Variants in TMC5 observed in about 807,000 individuals in gnomAD.
TMC5 encodes transmembrane channel like 5, also known as transmembrane channel-like protein 5.
In TMC5, 86 loss-of-function variants were observed where a neutral mutation model predicts 110.5. The ratio of observed to expected loss-of-function variants is 0.78; its 90% CI spans 0.65 to 0.93. The LOEUF is 0.93. TMC5 is among the 40% of genes least tolerant of loss of function. TMC5 has a pLI of 0.00. For synonymous variants in TMC5, 455 were observed against 439.5 expected, an observed-to-expected ratio of 1.04 and a Z score of -0.44; for missense variants, 1,144 against 1,222.8, an observed-to-expected ratio of 0.94 and a Z score of 0.96.
chr16:19,474,814 C>T (rs1036028828), intron 12 of TMC5: 8 of 153,108 alleles, frequency 5.2e-5, no homozygotes, highest in African/African-American at 1.2e-4. Flanking sequence ...GCAGTGCACG[C>T]ACAAAGGCTC....
chr16:19,485,327 G>A (rs1409847766), intron 15 of TMC5, among the ~76,000 whole-genome samples: 3 of 152,002 alleles, frequency 2.0e-5, no homozygotes, highest in Non-Finnish European at 2.9e-5. Flanking sequence ...CTTGCCCAAC[G>A]GCATCCTAGT....
intron 18 of TMC5, among the ~76,000 whole-genome samples, chr16:19,491,862 A>C (rs1968916439): frequency 1.3e-5 from 2 of 151,446 alleles, no homozygotes; most frequent in African/African-American, 4.9e-5. Flanking sequence ...TTTTTAACTT[A>C]TTCTATTAAG....
rs868503835 is a variant in TMC5 at position 19,495,103 on chromosome 16, C to T, written c.2931+737C>T. ...GATCTCGGCGCACTGCAAGCTCCGCCTCCCGGGTTCACGCCATTCTCCTGC... is the reference window on the plus strand; with the variant it reads ...GATCTCGGCGCACTGCAAGCTCCGCTTCCCGGGTTCACGCCATTCTCCTGC... On this transcript the variant is annotated intron_variant, in intron 20 of 21. Transcript: ENST00000542583. Among the ~76,000 whole-genome samples, 117 of 28,338 alleles carry T rather than the reference C, an allele frequency of 4.1e-3. 20 individuals are homozygous for T. Among genetic ancestry groups the T allele is most frequent in the African/African-American group, 6.8e-3 (92 of 13,570 alleles). 18.6% of individuals were successfully genotyped at this position (28,338 alleles called of 152,430 possible). A position where few individuals can be genotyped will look rare whatever the true frequency, so the allele number is the denominator to read the frequency against.
In TMC5 at chr16:19,463,349, T is replaced by G; in HGVS notation, c.1218T>G (p.Cys406Trp). The G allele has an allele frequency of 6.2e-7, 1 of 1,613,762 alleles. No individual in the cohort carries two copies. Among genetic ancestry groups the G allele is most frequent in the Non-Finnish European group, 8.5e-7 (1 of 1,179,682 alleles). ...RILQLNCCIQCLNSISRAYRR... is the reference protein window; with the variant it reads ...RILQLNCCIQWLNSISRAYRR... Reference sequence around the variant, plus strand: ...TTCAGCTCAATTGCTGTATTCAGTGTCTGAACTCCATTTCCCGGGTAAGTC... The same window carrying G: ...TTCAGCTCAATTGCTGTATTCAGTGGCTGAACTCCATTTCCCGGGTAAGTC... Residue 406 changes from cysteine to tryptophan, a missense_variant, in exon 7 of 22, where the codon TGT becomes TGG. Coordinates refer to ENST00000542583, the MANE Select transcript of TMC5 (RefSeq NM_001261841.2).
At position 19,440,675 on chromosome 16, in the gene TMC5, C is replaced by A; in HGVS notation, c.637C>A (p.Gln213Lys). The A allele has an allele frequency of 6.2e-7, 1 of 1,614,226 alleles. No homozygotes were observed. Among genetic ancestry groups the A allele is most frequent in the Non-Finnish European group, 8.5e-7 (1 of 1,180,034 alleles). The change falls in exon 3 of 22, where the codon CAA becomes AAA. Residue 213 changes from glutamine (Q) to lysine (K), a missense_variant. Gln to Lys is a moderately conservative substitution (Grantham distance 53). Coordinates refer to ENST00000542583, the MANE Select transcript of TMC5 (RefSeq NM_001261841.2). ...GCCTGATTATCCAGGCGCTGACATT[C>A]AACCTAACTCTCCACCCTTTTTTGG... ...GKPDYPGADI[Q>K]PNSPPFFGEP...
chr16:19,451,896 T>A (rs931966017), intron 5 of TMC5, among the ~76,000 whole-genome samples: 5 of 152,172 alleles, frequency 3.3e-5, no homozygotes, highest in African/African-American at 1.2e-4. Context: ...CCTCCCAGGT[T>A]CAAGCGATTC....
At position 19,456,760 on chromosome 16, in the gene TMC5, C is replaced by T. The variant is rs1370263267; in HGVS notation, c.1049-3475C>T. 12 of 1,613,918 alleles carry T rather than the reference C, an allele frequency of 7.4e-6. No homozygotes were observed. In the East Asian group the frequency reaches 2.0e-4, roughly 27 times the overall value. ...TCATCATACAGGTTGAGAATGTTTC[C>T]TCTGGGGTCCAAAGCCACCCATCCT... On this transcript the variant is annotated intron_variant, in intron 5 of 21. Coordinates refer to ENST00000542583, the MANE Select transcript of TMC5 (RefSeq NM_001261841.2).
intron 5 of TMC5, among the ~76,000 whole-genome samples, chr16:19,459,645 C>T (rs917257321): frequency 9.9e-5 from 15 of 151,804 alleles, no homozygotes; most frequent in Non-Finnish European, 1.8e-4. Context: ...AGCTGGTTGT[C>T]GTGGTGTGTG....
intron 6 of TMC5, among the ~76,000 whole-genome samples, chr16:19,461,350 C>A (rs1044529155): frequency 6.6e-6 from 1 of 152,066 alleles, no homozygotes; most frequent in Non-Finnish European, 1.5e-5. Flanking sequence ...CTTAGGCGGG[C>A]AGATCATGAG....
intron 11 of TMC5, among the ~76,000 whole-genome samples, chr16:19,472,631 G>A (rs12934588): frequency 0.12 from 17,682 of 152,152 alleles, 1,362 homozygotes; most frequent in East Asian, 0.37. Flanking sequence ...CACAGCCCTG[G>A]GGCCAGGCCT....
rs970910367 is a variant in TMC5 at position 19,465,350 on chromosome 16, A to G, written c.1486-732A>G. Among the ~76,000 whole-genome samples, 9 of 152,206 alleles carry G rather than the reference A, an allele frequency of 5.9e-5. No homozygotes were observed. In the South Asian group the frequency reaches 1.0e-3, roughly 18 times the overall value. On this transcript the variant is annotated intron_variant, in intron 8 of 21. Transcript: ENST00000542583. The stretch of plus-strand genomic sequence containing the variant: ...GAAGTTGGAGACCAGCCTGGCCAAC[A>G]TGGCAAAACCCCATCTCTACTTAAA...
At chr16:19,481,260 A>G in intron 14 of TMC5, 110 bp from the exon 15 acceptor site, 2 of 796,008 alleles carry the variant, frequency 2.5e-6, no homozygotes, top group South Asian at 3.0e-5. Flanking sequence ...GGAACTTACG[A>G]CTTTATTTCA....
At chr16:19,459,550 A>G (rs12930873) in intron 5 of TMC5, among the ~76,000 whole-genome samples, 96,580 of 151,718 alleles carry the variant, frequency 0.64, 32,104 homozygotes, top group Middle Eastern at 0.75. Context: ...GGCTGAGGTG[A>G]GAAATCTCTT....
intron 6 of TMC5, chr16:19,462,572 A>T (rs1186695334): frequency 1.4e-6 from 1 of 701,224 alleles, no homozygotes; most frequent in East Asian, 2.7e-5. Context: ...GGTGGTAGGC[A>T]AGACGGCATG....
At chr16:19,490,914 TC>T (rs1231378051) in intron 18 of TMC5, among the ~76,000 whole-genome samples, 14 of 117,168 alleles carry the variant, frequency 1.2e-4, no homozygotes, top group African/African-American at 4.2e-4. Flanking sequence ...TCCCTTCCCT[TC>T]CCCTTCTTTC....
chr16:19,480,720 G>A (rs977556974), intron 14 of TMC5, among the ~76,000 whole-genome samples: 4 of 149,578 alleles, frequency 2.7e-5, no homozygotes, highest in African/African-American at 4.9e-5. Context: ...CAGGAGAATC[G>A]CTTGAACCCG....
intron 5 of TMC5, 69 bp downstream of exon 5, chr16:19,449,700 G>T: frequency 7.1e-7 from 1 of 1,414,012 alleles, no homozygotes; most frequent in South Asian, 1.2e-5. Context: ...CCATGTGTCG[G>T]GGGAGAGACC....
At position 19,462,160 on chromosome 16, in the gene TMC5, T is replaced by G. The variant is rs541067236; in HGVS notation, c.1149-1120T>G. Among the ~76,000 whole-genome samples, 3 of 152,328 alleles carry G rather than the reference T, an allele frequency of 2.0e-5. No homozygotes were observed. The East Asian group carries it at 5.8e-4, about 29-fold the overall frequency. ...ATTTTGAACTCTGTATGGCTGCCTC[T>G]GTCACTGAATATGGGCTCCAAAGAC... On this transcript the variant is annotated intron_variant, in intron 6 of 21. Coordinates refer to ENST00000542583, the MANE Select transcript of TMC5 (RefSeq NM_001261841.2).
At chr16:19,425,400 T>G (rs1967070882) in intron 1 of TMC5, among the ~76,000 whole-genome samples, 2 of 151,484 alleles carry the variant, frequency 1.3e-5, no homozygotes, top group African/African-American at 4.8e-5. Context: ...TATTCATATC[T>G]GGTTCTGACT....
Sources: gnomAD v4.1 joint callset for allele counts (sites outside exome capture counted in the v4.1 genomes callset) on GRCh38, gnomAD v4.1.1 for gene constraint, MANE v1.5 for transcripts, NCBI Gene and HGNC (gene_info 2026-07-23, HGNC 2026-07-21) for gene names.